PCDHGA4: variants seen among roughly 807,000 people sequenced by gnomAD.
PCDHGA4 encodes protocadherin gamma subfamily A, 4, also known as protocadherin gamma-A4.
PCDHGA4 carries 38 observed loss-of-function variants against 54.6 expected under a neutral mutation model. That is an observed-to-expected ratio of 0.70 (90% CI 0.54 to 0.91). The LOEUF (loss-of-function observed/expected upper bound fraction) is 0.91. Among genes scored for constraint, PCDHGA4 ranks in the 40% least tolerant of loss-of-function variants. The pLI is 0.00. For missense variants in PCDHGA4, 1,298 were observed against 1,220.9 expected (o/e 1.06, Z -0.94); for synonymous variants, 511 against 512.9 (o/e 1.00, Z 0.05).
Position 141,485,089 on chromosome 5 carries a change from G to A in PCDHGA4, c.2515-9718G>A. The stretch of plus-strand genomic sequence containing the variant: ...GAGCTGGCGCGGGGAAAGGGAGATA[G>A]GTGTCTCCAGCTGCTGTGGCTGTTT... On this transcript the variant is annotated intron_variant, in intron 1 of 3. Coordinates refer to ENST00000571252, the MANE Select transcript of PCDHGA4 (RefSeq NM_018917.4). This position sits in a 1 kb window ranked among gnomAD's most constrained non-coding sequence, Gnocchi z 5.7. 1 of 1,027,236 alleles carries A rather than the reference G, an allele frequency of 9.7e-7. No homozygotes were observed. The highest frequency in any genetic ancestry group is 1.5e-6 in the Non-Finnish European group (1 of 674,564). 63.6% of individuals were successfully genotyped at this position (1,027,236 alleles called of 1,614,324 possible). A position where few individuals can be genotyped will look rare whatever the true frequency, so the allele number is the denominator to read the frequency against.
intron 1 of PCDHGA4, chr5:141,371,795 T>C (rs748704102): frequency 1.2e-6 from 2 of 1,613,908 alleles, no homozygotes; most frequent in Non-Finnish European, 1.7e-6. Flanking sequence ...ACAATCCGCC[T>C]GGAGCCTCCA....
intron 1 of PCDHGA4, chr5:141,416,038 G>T: frequency 5.1e-6 from 1 of 196,894 alleles, no homozygotes; most frequent in Non-Finnish European, 1.0e-5. Flanking sequence ...AATCACCTCT[G>T]GAAACACAAC....
intron 1 of PCDHGA4, among the ~76,000 whole-genome samples, chr5:141,458,909 T>G (rs548847649): frequency 6.6e-6 from 1 of 152,192 alleles, no homozygotes; most frequent in African/African-American, 2.4e-5. Context: ...TTTTTTCTAT[T>G]TTTTGTGGAG....
At chr5:141,363,378 T>C (rs1334101869) in intron 1 of PCDHGA4, among the ~76,000 whole-genome samples, 2 of 152,250 alleles carry the variant, frequency 1.3e-5, no homozygotes, top group Admixed American at 6.5e-5. Context: ...AAGAGGTTTT[T>C]CTATTTCTGT....
rs188066304 is a variant in PCDHGA4, at chr5:141,450,907, C to T, written c.2515-43900C>T. On this transcript the variant is annotated intron_variant, in intron 1 of 3. Coordinates refer to ENST00000571252, the MANE Select transcript of PCDHGA4 (RefSeq NM_018917.4). ...TGGTGCGATATCGGCTCACTGCAAC[C>T]GCTGCCTCCCAGATTCAAGCAATTC... is the stretch of plus-strand genomic sequence containing the variant. 6.7e-3 allele frequency among the ~76,000 whole-genome samples: 1,004 copies of T among 150,024 alleles called. 12 individuals carry two copies. The highest frequency in any genetic ancestry group is 0.024 in the African/African-American group (970 of 40,702).
chr5:141,381,417 G>C (rs954058342), intron 1 of PCDHGA4, among the ~76,000 whole-genome samples: 1 of 152,332 alleles, frequency 6.6e-6, no homozygotes, highest in Admixed American at 6.5e-5. Flanking sequence ...GTGGAGAGAC[G>C]AGTACCTCTA....
rs758481930 is a variant in PCDHGA4, at chr5:141,357,482, C to G, written c.2375C>G (p.Ala792Gly). 5 of 1,614,236 alleles carry G rather than the reference C, an allele frequency of 3.1e-6. No individual in the cohort carries two copies. The South Asian group carries it at 4.4e-5, about 14-fold the overall frequency. ...TATTCCCACGAGGTCTCCCTCACCG[C>G]GGACTCGCGGAAGAGTCACCTGATC... is the stretch of plus-strand genomic sequence containing the variant. ...QTYSHEVSLT[A>G]DSRKSHLIFS... is the part of the protein sequence containing the mutation. The change falls in exon 1 of 4, where the codon GCG becomes GGG. Residue 792 changes from alanine to glycine, a missense_variant. By Grantham distance (60) the Ala-to-Gly change is moderately conservative. Transcript: ENST00000571252.
intron 1 of PCDHGA4, chr5:141,390,071 CTG>C: frequency 1.2e-6 from 2 of 1,614,084 alleles, no homozygotes; most frequent in Middle Eastern, 1.6e-4. Context: ...AGCCTGGTCT[CTG>C]TGTTAAATCC....
rs769461165 is a variant in PCDHGA4, at chr5:141,491,293, C to G, written c.2515-3514C>G. 2 of 1,614,048 alleles carry G rather than the reference C, an allele frequency of 1.2e-6. No individual in the cohort carries two copies. Among genetic ancestry groups the G allele is most frequent in the Admixed American group, 3.3e-5 (2 of 60,008 alleles). ...ATCCAGTGACTTCCTCATACACCCT[C>G]CTGAGCGTTCAGACCTTACCCTTTA... On this transcript the variant is annotated intron_variant, in intron 1 of 3. Coordinates refer to ENST00000571252, the MANE Select transcript of PCDHGA4 (RefSeq NM_018917.4). This position sits in a 1 kb window ranked among gnomAD's most constrained non-coding sequence, Gnocchi z 6.9.
chr5:141,407,656 C>T (rs1333500318), intron 1 of PCDHGA4, among the ~76,000 whole-genome samples: 1 of 151,756 alleles, frequency 6.6e-6, no homozygotes, highest in Admixed American at 6.6e-5. Flanking sequence ...TGGGGGAGCG[C>T]AGTATATATT....
At chr5:141,421,320 G>T (rs1561793188) in intron 1 of PCDHGA4, 2 of 1,613,786 alleles carry the variant, frequency 1.2e-6, no homozygotes, top group Non-Finnish European at 1.7e-6. Flanking sequence ...GGGCCAGGCA[G>T]ATCCGATATT....
intron 1 of PCDHGA4, chr5:141,382,771 A>G: frequency 1.3e-6 from 1 of 753,180 alleles, no homozygotes; most frequent in Non-Finnish European, 2.1e-6. Flanking sequence ...TCCAGGCTGC[A>G]CTAAACTCAA....
At chr5:141,423,067 G>C (rs757110751) in intron 1 of PCDHGA4, 36 of 1,614,024 alleles carry the variant, frequency 2.2e-5, no homozygotes, top group Non-Finnish European at 2.9e-5. Context: ...TAAGGCCAGC[G>C]AGCCGGGACT....
intron 1 of PCDHGA4, chr5:141,410,045 G>A (rs962300160): frequency 1.9e-6 from 3 of 1,613,048 alleles, no homozygotes; most frequent in African/African-American, 1.3e-5. Context: ...CAGTGAGCCC[G>A]GACTCTTCAG....
chr5:141,497,312 G>A (rs940721317), intron 2 of PCDHGA4, among the ~76,000 whole-genome samples: 7 of 152,038 alleles, frequency 4.6e-5, no homozygotes, highest in African/African-American at 1.7e-4. Flanking sequence ...CCATACACTG[G>A]CTTTGAAGCA....
chr5:141,508,790 C>T (rs1181979966), intron 3 of PCDHGA4, among the ~76,000 whole-genome samples: 1 of 152,072 alleles, frequency 6.6e-6, no homozygotes, highest in African/African-American at 2.4e-5. Flanking sequence ...CCCTAAATCA[C>T]TCTGGAATCC....
intron 1 of PCDHGA4, chr5:141,418,010 G>A: frequency 6.2e-7 from 1 of 1,613,914 alleles, no homozygotes; most frequent in African/African-American, 1.3e-5. Flanking sequence ...GGGGAACCTC[G>A]CTAAGGATCT....
At position 141,419,408 on chromosome 5, in the gene PCDHGA4, C is replaced by T. The variant is rs534591654; in HGVS notation, c.2514+61787C>T. On this transcript the variant is annotated intron_variant, in intron 1 of 3. Coordinates refer to ENST00000571252, the MANE Select transcript of PCDHGA4 (RefSeq NM_018917.4). ...CGCGCAGAGCGGGGTGGTGTTCGCG[C>T]AGCGCGCCTTCGACCACGAGCAGCT... 6.2e-6 allele frequency: 10 copies of T among 1,613,508 alleles called. No individual in the cohort carries two copies. The African/African-American group carries it at 1.3e-4, about 21-fold the overall frequency.
chr5:141,386,593 A>G (rs1350788918), intron 1 of PCDHGA4, among the ~76,000 whole-genome samples: 3 of 151,446 alleles, frequency 2.0e-5, no homozygotes, highest in African/African-American at 7.3e-5. Context: ...TGTGGGGGAT[A>G]CATTTTTTTT....
Sources: allele counts gnomAD v4.1 joint callset (sites outside exome capture counted in the v4.1 genomes callset), GRCh38; gene constraint gnomAD v4.1.1; non-coding constraint Gnocchi (gnomAD v3.1); transcripts MANE v1.5; gene names NCBI Gene and HGNC (gene_info 2026-07-23, HGNC 2026-07-21).